The following ANKRD36C variants were observed in gnomAD, a reference collection of about 807,000 sequenced individuals.
ANKRD36C encodes ankyrin repeat domain-containing protein 36C.
ANKRD36C carries 61 observed loss-of-function variants against 276.4 expected under a neutral mutation model. The observed-to-expected ratio is 0.22, with a 90% CI of 0.18 to 0.27. The LOEUF (loss-of-function observed/expected upper bound fraction) is 0.27, where lower values mean the gene tolerates loss of function less well. Ranked by LOEUF, ANKRD36C falls within the 10% of genes least tolerant of loss-of-function variation. The pLI, the probability that ANKRD36C is intolerant of heterozygous loss-of-function variation, is 1.00. For missense variants in ANKRD36C, 1,447 were observed against 2,032.3 expected, an observed-to-expected ratio of 0.71 and a Z score of 5.54; for synonymous variants, 483 against 680.1, an observed-to-expected ratio of 0.71 and a Z score of 4.51.
rs1676235831 is a variant in ANKRD36C at position 95,887,847 on chromosome 2, C to T, written c.3061+78G>A. 16 of 1,516,776 alleles carry T rather than the reference C, an allele frequency of 1.1e-5. No homozygotes were observed. The South Asian group carries it at 1.1e-4, about 10-fold the overall frequency. The allele number at this position is 1,516,776 out of a possible 1,614,324, so 94.0% of individuals were successfully genotyped here. ...CAGAATGTGCAGTTTTGATGAGCCC[C>T]GCACTGATTTGTTCGGGGAAGAGAA... On this transcript the variant is annotated intron_variant, in intron 50 of 66. Transcript: ENST00000456556.
chr2:95,852,212 T>G lies in ANKRD36C; in HGVS notation c.5149-16A>C. The stretch of plus-strand genomic sequence containing the variant: ...TTTCTTGAAACTAAAACAAAGAATT[T>G]TAAAAAATTACATTTGGAAATGACC... On this transcript the variant is annotated splice_polypyrimidine_tract_variant and intron_variant, in intron 64 of 66. Transcript: ENST00000456556. 1 of 1,586,104 alleles carries G rather than the reference T, an allele frequency of 6.3e-7. No individual in the cohort carries two copies. The highest frequency in any genetic ancestry group is 8.6e-7 in the Non-Finnish European group (1 of 1,159,128).
At chr2:95,912,262 C>T in exon 42 of ANKRD36C, 3 of 1,553,176 alleles carry the variant, frequency 1.9e-6, no homozygotes, top group Admixed American at 1.9e-5. Flanking sequence ...GATGTTTCTC[C>T]ATCCTTTTTT....
At chr2:95,889,454 C>T (rs1676281931) in intron 48 of ANKRD36C, among the ~76,000 whole-genome samples, 2 of 151,516 alleles carry the variant, frequency 1.3e-5, no homozygotes, top group Admixed American at 6.6e-5. Flanking sequence ...CAATCTGACG[C>T]CTCTAATATC....
intron 25 of ANKRD36C, 42 bp downstream of exon 25, chr2:95,929,197 T>G: frequency 1.3e-6 from 2 of 1,596,872 alleles, no homozygotes; most frequent in Non-Finnish European, 1.7e-6. Flanking sequence ...TTTCATAGAC[T>G]ATACAGTTAA....
At position 95,978,117 on chromosome 2, in the gene ANKRD36C, CT is replaced by C; in HGVS notation, c.799+4del. The C allele has an allele frequency of 8.4e-7, 1 of 1,193,734 alleles. No individual in the cohort carries two copies. The highest frequency in any genetic ancestry group is 1.2e-6 in the Non-Finnish European group (1 of 861,018). 73.9% of individuals were successfully genotyped at this position (1,193,734 alleles called of 1,614,324 possible). On this transcript the variant is annotated splice_donor_region_variant and intron_variant, in intron 6 of 66. Transcript: ENST00000456556. ...TCAAGAGTAATTCACTATCAGAAATCTTACCTGGATTGCTATTTATAGAAAG... is the reference window on the plus strand; with the variant it reads ...TCAAGAGTAATTCACTATCAGAAATCTACCTGGATTGCTATTTATAGAAAG...
intron 20 of ANKRD36C, among the ~76,000 whole-genome samples, chr2:95,940,109 C>T (rs1677833851): frequency 6.6e-6 from 1 of 152,298 alleles, no homozygotes; most frequent in Admixed American, 6.5e-5. Context: ...ACCTCCGCCG[C>T]CCGGGTTCAA....
chr2:95,931,557 T>C (rs1236718634), intron 24 of ANKRD36C, among the ~76,000 whole-genome samples: 1 of 150,488 alleles, frequency 6.6e-6, no homozygotes, highest in Non-Finnish European at 1.5e-5. Flanking sequence ...TGAAATTTTA[T>C]TGAATATAAC....
At chr2:95,957,113 C>T (rs937053957) in intron 12 of ANKRD36C, among the ~76,000 whole-genome samples, 26 of 131,240 alleles carry the variant, frequency 2.0e-4, no homozygotes, top group African/African-American at 5.3e-4. Flanking sequence ...GTCAGGAGTT[C>T]GAAACCAACC....
At chr2:95,976,729 C>T (rs1678817011) in intron 6 of ANKRD36C, among the ~76,000 whole-genome samples, 1 of 152,076 alleles carries the variant, frequency 6.6e-6, no homozygotes, top group South Asian at 2.1e-4. Flanking sequence ...TATCAATAGC[C>T]CACATTACAC....
At chr2:95,920,725 A>G (rs1217139246) in intron 34 of ANKRD36C, among the ~76,000 whole-genome samples, 3 of 141,608 alleles carry the variant, frequency 2.1e-5, no homozygotes, top group African/African-American at 7.7e-5. Context: ...GAAAATGACC[A>G]TTTTAGGAGT....
intron 42 of ANKRD36C, among the ~76,000 whole-genome samples, chr2:95,902,613 A>C (rs1676687257): frequency 6.7e-6 from 1 of 150,044 alleles, no homozygotes; most frequent in Non-Finnish European, 1.5e-5. Flanking sequence ...TTAAAGCAAA[A>C]TTATGTTGTT....
At chr2:95,879,846 C>T (rs1438878663) in intron 58 of ANKRD36C, among the ~76,000 whole-genome samples, 1 of 146,584 alleles carries the variant, frequency 6.8e-6, no homozygotes, top group African/African-American at 2.5e-5. Flanking sequence ...TTGGAAACTT[C>T]AGAGTATCAA....
At chr2:95,888,933 T>C (rs1258738537) in intron 48 of ANKRD36C, among the ~76,000 whole-genome samples, 3 of 151,680 alleles carry the variant, frequency 2.0e-5, no homozygotes, top group Non-Finnish European at 4.4e-5. Context: ...TAGGAGTTAA[T>C]TAGAATTCAA....
In ANKRD36C at chr2:95,884,099, G is replaced by A. The variant is rs145149882; in HGVS notation, c.3265+74C>T. 174 of 1,486,390 alleles carry A rather than the reference G, an allele frequency of 1.2e-4. No homozygotes were observed. In the African/African-American group the frequency reaches 1.7e-3, roughly 14 times the overall value. The allele number at this position is 1,486,390 out of a possible 1,614,324, so 92.1% of individuals were successfully genotyped here. The stretch of plus-strand genomic sequence containing the variant: ...AATGTGCAGCTTCGACGAGCCCTCC[G>A]TTGATTTATTTGGGAAGAGAAGTTC... On this transcript the variant is annotated intron_variant, in intron 54 of 66. Coordinates refer to ENST00000456556, the Ensembl canonical transcript of ANKRD36C.
At chr2:95,970,958 T>C (rs1678684812) in intron 6 of ANKRD36C, among the ~76,000 whole-genome samples, 1 of 152,150 alleles carries the variant, frequency 6.6e-6, no homozygotes, top group Non-Finnish European at 1.5e-5. Context: ...CAAATGTCTA[T>C]ATAAATTATG....
intron 12 of ANKRD36C, among the ~76,000 whole-genome samples, chr2:95,957,029 A>G (rs1678343661): frequency 6.6e-6 from 1 of 151,992 alleles, no homozygotes; most frequent in Admixed American, 6.6e-5. Flanking sequence ...AAAAAAAATC[A>G]TGTAGGCAGG....
At chr2:95,987,522 A>G (rs1679053530) in intron 1 of ANKRD36C, among the ~76,000 whole-genome samples, 3 of 151,918 alleles carry the variant, frequency 2.0e-5, no homozygotes, top group South Asian at 2.1e-4. Flanking sequence ...TGATGCTTAC[A>G]TAAGAATCTA....
intron 34 of ANKRD36C, among the ~76,000 whole-genome samples, chr2:95,920,595 A>G (rs1263398674): frequency 7.5e-6 from 1 of 132,978 alleles, no homozygotes; most frequent in East Asian, 2.7e-4. Flanking sequence ...AAAGGATAAT[A>G]TATTAGCCTC....
intron 42 of ANKRD36C, among the ~76,000 whole-genome samples, 194 bp downstream of exon 54, chr2:95,902,692 T>A (rs977063298): frequency 6.7e-6 from 1 of 150,368 alleles, no homozygotes; most frequent in Admixed American, 6.7e-5. Context: ...TGGGGAAGTG[T>A]ATAATCTTAC....
Sources: allele counts gnomAD v4.1 joint callset (sites outside exome capture counted in the v4.1 genomes callset), GRCh38; gene constraint gnomAD v4.1.1; transcripts MANE v1.5; gene names NCBI Gene and HGNC (gene_info 2026-07-23, HGNC 2026-07-21).